TRIM34: variants seen among roughly 807,000 people sequenced by gnomAD.
TRIM34 encodes the protein E3 ubiquitin-protein ligase TRIM34.
A neutral mutation model predicts 38.1 loss-of-function variants in TRIM34; 41 were observed. The ratio of observed to expected loss-of-function variants is 1.08; its 90% CI spans 0.84 to 1.40. TRIM34 has a LOEUF of 1.40. Among genes scored for constraint, TRIM34 ranks in the 40% most tolerant of loss-of-function variants. The pLI, the probability that TRIM34 is intolerant of heterozygous loss-of-function variation, is 0.00. For missense variants in TRIM34, 556 were observed against 571.4 expected (o/e 0.97, Z 0.27); for synonymous variants, 200 against 202.5 (o/e 0.99, Z 0.10).
chr11:5,620,503 G>C (rs1848954788), upstream of TRIM34, among the ~76,000 whole-genome samples: 1 of 152,052 alleles, frequency 6.6e-6, no homozygotes, highest in Admixed American at 6.6e-5. Context: ...GTCCAGCCAA[G>C]CTTTTTTTCT....
intron 4 of TRIM34, among the ~76,000 whole-genome samples, chr11:5,636,195 GA>G (rs1178556712): frequency 2.6e-5 from 4 of 152,148 alleles, no homozygotes; most frequent in Admixed American, 1.3e-4. Flanking sequence ...GTTTAGCTGT[GA>G]AAAATAATGA....
In TRIM34 at chr11:5,632,765, A is replaced by C; in HGVS notation, c.423+11A>C. 6.4e-7 allele frequency: 1 copy of C among 1,567,798 alleles called. No individual in the cohort carries two copies. The highest frequency in any genetic ancestry group is 1.1e-5 in the South Asian group (1 of 86,970). On this transcript the variant is annotated intron_variant, in intron 2 of 7. Coordinates refer to ENST00000429814, the MANE Select transcript of TRIM34 (RefSeq NM_021616.6). ...TTCAAGGAATGTCAGGTAGGGCCCT[A>C]GATGGAGGGAGATGGGGCAGAAGAT...
chr11:5,641,147 GT>G lies in TRIM34; in HGVS notation c.751-16del, dbSNP rs1331306466. 6.2e-7 allele frequency: 1 copy of G among 1,610,186 alleles called. No individual in the cohort carries two copies. The highest frequency in any genetic ancestry group is 2.2e-5 in the East Asian group (1 of 44,760). Reference sequence around the variant, plus strand: ...CCAGTCTTTATACACTTTGACTCATGTTTTCTCTTTTCTTTCTAGGACATGA... The same window carrying G: ...CCAGTCTTTATACACTTTGACTCATGTTTCTCTTTTCTTTCTAGGACATGA... On this transcript the variant is annotated intron_variant, in intron 4 of 7. Coordinates refer to ENST00000429814, the MANE Select transcript of TRIM34 (RefSeq NM_021616.6).
intron 1 of TRIM34, among the ~76,000 whole-genome samples, chr11:5,628,298 A>C (rs995565924): frequency 2.0e-5 from 3 of 152,244 alleles, no homozygotes; most frequent in African/African-American, 4.8e-5. Context: ...TTGGAATAAA[A>C]GATAACAAAG....
At chr11:5,641,086 T>C in intron 4 of TRIM34, 81 bp from the exon 5 acceptor site, 1 of 1,495,774 alleles carries the variant, frequency 6.7e-7, no homozygotes, top group African/African-American at 1.4e-5. Flanking sequence ...TTCCATTTTT[T>C]TTCCTACTGT....
At chr11:5,641,234 G>T (rs200519442) in intron 5 of TRIM34, 45 bp downstream of exon 5, 4 of 1,613,368 alleles carry the variant, frequency 2.5e-6, no homozygotes, top group Non-Finnish European at 3.4e-6. Context: ...TTATAAAGAA[G>T]TGTTTGTAGC....
intron 5 of TRIM34, among the ~76,000 whole-genome samples, chr11:5,642,169 G>GA (rs1392278609): frequency 3.3e-5 from 5 of 152,160 alleles, no homozygotes; most frequent in African/African-American, 4.8e-5. Flanking sequence ...TTTTAAGGAA[G>GA]AAACTGTGCT....
chr11:5,623,648 G>A (rs1326556636), upstream of TRIM34, among the ~76,000 whole-genome samples: 1 of 151,000 alleles, frequency 6.6e-6, no homozygotes, highest in African/African-American at 2.4e-5. Context: ...CCAAAGTTCT[G>A]GGATTACAGG....
upstream of TRIM34, among the ~76,000 whole-genome samples, chr11:5,620,599 T>C (rs900994833): frequency 1.3e-5 from 2 of 152,182 alleles, no homozygotes; most frequent in Non-Finnish European, 2.9e-5. Context: ...TCTACTTCTG[T>C]AGTAATTCTC....
chr11:5,636,085 G>T (rs1193088852), intron 4 of TRIM34, among the ~76,000 whole-genome samples: 2 of 152,134 alleles, frequency 1.3e-5, no homozygotes, highest in Non-Finnish European at 2.9e-5. Flanking sequence ...ACTTATATAT[G>T]AAAGTTCACA....
rs1267834640 is a variant in TRIM34, at chr11:5,642,405, GGAGT to G, written c.777_780del (p.Ser259ArgfsTer5). 2 of 1,612,360 alleles carry G rather than the reference GGAGT, an allele frequency of 1.2e-6. No homozygotes were observed. The highest frequency in any genetic ancestry group is 1.7e-6 in the Non-Finnish European group (2 of 1,179,844). ...GGTCAAAAAATTTTTTTCATCCCTAGGAGTGAGATCTGGAGGCTGAAAAAGCCAA... is the reference window on the plus strand; with the variant it reads ...GGTCAAAAAATTTTTTTCATCCCTAGGAGATCTGGAGGCTGAAAAAGCCAA... On this transcript the variant is annotated frameshift_variant and splice_region_variant, in exon 6 of 8. Coordinates refer to ENST00000429814, the MANE Select transcript of TRIM34 (RefSeq NM_021616.6). LOFTEE classifies it high-confidence loss of function.
Position 5,634,869 on chromosome 11 carries a change from G to T in TRIM34, c.750+8G>T. The T allele has an allele frequency of 6.2e-7, 1 of 1,609,402 alleles. No homozygotes were observed. The highest frequency in any genetic ancestry group is 8.5e-7 in the Non-Finnish European group (1 of 1,177,128). The stretch of plus-strand genomic sequence containing the variant: ...ACAATGGAGCTGCTGCAGGTAAGAA[G>T]GTTCGCTCAATCTGAGATTCTGGGA... On this transcript the variant is annotated splice_region_variant and intron_variant, in intron 4 of 7. Transcript: ENST00000429814.
Position 5,642,799 on chromosome 11 carries a change from A to T in TRIM34, c.875-18A>T. 3 of 1,613,914 alleles carry T rather than the reference A, an allele frequency of 1.9e-6. No homozygotes were observed. Among genetic ancestry groups the T allele is most frequent in the Non-Finnish European group, 8.5e-7 (1 of 1,179,924 alleles). ...CCTTTGTTTCTAATCAGCATCACTG[A>T]ATCTTTTATTATTTCAGAACTGACA... On this transcript the variant is annotated intron_variant, in intron 6 of 7. Coordinates refer to ENST00000429814, the MANE Select transcript of TRIM34 (RefSeq NM_021616.6).
chr11:5,643,081 CAT>C (rs1490776686), intron 7 of TRIM34, 61 bp from the exon 8 acceptor site: 2 of 1,276,964 alleles, frequency 1.6e-6, no homozygotes, highest in Non-Finnish European at 2.1e-6. Flanking sequence ...GTCACCTAAT[CAT>C]ATATATCACA....
intron 2 of TRIM34, among the ~76,000 whole-genome samples, chr11:5,633,564 T>G (rs1849584140): frequency 6.6e-6 from 1 of 152,212 alleles, no homozygotes; most frequent in South Asian, 2.1e-4. Flanking sequence ...GGTAAATACT[T>G]ACTCTAAGGA....
chr11:5,627,692 T>G (rs891789933), intron 1 of TRIM34, among the ~76,000 whole-genome samples: 4 of 152,126 alleles, frequency 2.6e-5, no homozygotes, highest in African/African-American at 9.7e-5. Context: ...AAGCAAGAAC[T>G]CAGTGCACAG....
At chr11:5,636,480 T>G (rs1849739933) in intron 4 of TRIM34, among the ~76,000 whole-genome samples, 1 of 152,248 alleles carries the variant, frequency 6.6e-6, no homozygotes, top group Non-Finnish European at 1.5e-5. Flanking sequence ...TAAAGCCTGT[T>G]AAATTGTGCA....
intron 5 of TRIM34, 99 bp downstream of exon 5, chr11:5,641,288 G>C (rs776512715): frequency 6.3e-7 from 1 of 1,587,160 alleles, no homozygotes; most frequent in Non-Finnish European, 8.6e-7. Context: ...AAATCTCCCA[G>C]AGTAGTAAAA....
chr11:5,642,859 T>C lies in TRIM34; in HGVS notation c.901+16T>C. Reference sequence around the variant, plus strand: ...TGCTACTGGGGTAAGAAAAAGTTAGTCTTTAAATAACTGTTTTCCAATTAC... The same window carrying C: ...TGCTACTGGGGTAAGAAAAAGTTAGCCTTTAAATAACTGTTTTCCAATTAC... On this transcript the variant is annotated intron_variant, in intron 7 of 7. Transcript: ENST00000429814. 6.2e-7 allele frequency: 1 copy of C among 1,613,858 alleles called. No individual in the cohort carries two copies. Among genetic ancestry groups the C allele is most frequent in the South Asian group, 1.1e-5 (1 of 91,056 alleles).
Sources: gnomAD v4.1 joint callset for allele counts (sites outside exome capture counted in the v4.1 genomes callset) on GRCh38, gnomAD v4.1.1 for gene constraint, MANE v1.5 for transcripts, NCBI Gene and HGNC (gene_info 2026-07-23, HGNC 2026-07-21) for gene names.